MAPK10: variants seen among roughly 807,000 people sequenced by gnomAD.
The protein encoded by MAPK10 is JNK3 alpha protein kinase.
A neutral mutation model predicts 59.3 loss-of-function variants in MAPK10; 25 were observed. The ratio of observed to expected loss-of-function variants is 0.42; its 90% CI spans 0.31 to 0.59. The LOEUF (loss-of-function observed/expected upper bound fraction) is 0.59. MAPK10 is among the 20% of genes least tolerant of loss of function. MAPK10 has a pLI of 0.15. For missense variants in MAPK10, 351 were observed against 568.9 expected (o/e 0.62, Z 3.90); for synonymous variants, 190 against 200.5 (o/e 0.95, Z 0.44).
intron 1 of MAPK10, among the ~76,000 whole-genome samples, chr4:86,439,646 T>C (rs1312444602): frequency 6.6e-6 from 1 of 152,210 alleles, no homozygotes; most frequent in Non-Finnish European, 1.5e-5. Context: ...TAAGTGTATG[T>C]TTAATGTTAA....
intron 9 of MAPK10, among the ~76,000 whole-genome samples, chr4:86,098,032 A>G (rs1053897215): frequency 5.9e-5 from 9 of 152,158 alleles, no homozygotes; most frequent in African/African-American, 2.2e-4. Context: ...GATATGCTAT[A>G]TTGACCTGTT....
intron 11 of MAPK10, among the ~76,000 whole-genome samples, chr4:86,049,458 T>C (rs1483028879): frequency 6.6e-6 from 1 of 151,970 alleles, no homozygotes; most frequent in Non-Finnish European, 1.5e-5. Context: ...AAGTAATTAC[T>C]CCAAGGAGTA....
intron 11 of MAPK10, 156 bp from the exon 12 acceptor site, chr4:86,031,587 C>T (rs72660197): frequency 0.053 from 30,226 of 574,212 alleles, 1,086 homozygotes; most frequent in African/African-American, 0.12. Context: ...TAAAATTTTC[C>T]TGTAAACTTA....
intron 1 of MAPK10, among the ~76,000 whole-genome samples, chr4:86,552,466 AGG>A (rs1565031616): frequency 2.9e-5 from 1 of 33,962 alleles, no homozygotes; most frequent in African/African-American, 9.1e-5. Context: ...GGAAGGAGGG[AGG>A]GAGGGAGGGA....
intron 4 of MAPK10, among the ~76,000 whole-genome samples, chr4:86,122,528 T>C (rs2059430078): frequency 6.6e-6 from 1 of 152,158 alleles, no homozygotes; most frequent in South Asian, 2.1e-4. Flanking sequence ...TTCAGGGTCT[T>C]GATCCCACTT....
chr4:86,142,313 A>G (rs2063808330), intron 4 of MAPK10, among the ~76,000 whole-genome samples: 1 of 152,198 alleles, frequency 6.6e-6, no homozygotes, highest in Non-Finnish European at 1.5e-5. Context: ...GCGTTAATGG[A>G]CAAGCCTTGG....
chr4:86,249,233 G>C (rs1490807827), intron 2 of MAPK10, among the ~76,000 whole-genome samples: 1 of 152,074 alleles, frequency 6.6e-6, no homozygotes, highest in Non-Finnish European at 1.5e-5. Context: ...AAAATAAATA[G>C]GAGCTTATTT....
intron 4 of MAPK10, chr4:86,125,831 GAC>G (rs975809370): frequency 7.9e-5 from 12 of 152,122 alleles, no homozygotes; most frequent in African/African-American, 2.9e-4. Flanking sequence ...GCCCAACAGT[GAC>G]ACAGTGACTC....
At chr4:86,036,424 A>T (rs557384335) in intron 11 of MAPK10, among the ~76,000 whole-genome samples, 50 of 137,454 alleles carry the variant, frequency 3.6e-4, no homozygotes, top group Non-Finnish European at 6.8e-4. Context: ...GTCTCTGAGA[A>T]CTTGATAAAA....
chr4:86,481,318 C>A lies in MAPK10; in HGVS notation c.-263+112592G>T, dbSNP rs540892294. Among the ~76,000 whole-genome samples, 9 of 151,890 alleles carry A rather than the reference C, an allele frequency of 5.9e-5. No homozygotes were observed. The East Asian group carries it at 1.7e-3, about 29-fold the overall frequency. ...GACCTTGCTTCAGAGGCCTTCTAAT[C>A]TCCTTGAGTTTAAGGCACCAATCAG... On this transcript the variant is annotated intron_variant, in intron 1 of 4. Transcript: ENST00000502302.
At chr4:86,083,452 C>G (rs1188590658) in intron 9 of MAPK10, among the ~76,000 whole-genome samples, 12 of 152,082 alleles carry the variant, frequency 7.9e-5, no homozygotes, top group Non-Finnish European at 1.6e-4. Flanking sequence ...TAAAAACAAA[C>G]CAAATTCAGC....
At chr4:86,142,646 A>G (rs945346967) in intron 4 of MAPK10, among the ~76,000 whole-genome samples, 5 of 152,162 alleles carry the variant, frequency 3.3e-5, no homozygotes, top group Non-Finnish European at 7.4e-5. Context: ...GCTGGCTGGG[A>G]CACAATTTAG....
At chr4:86,422,646 A>G (rs952119907) in intron 1 of MAPK10, among the ~76,000 whole-genome samples, 14 of 152,236 alleles carry the variant, frequency 9.2e-5, no homozygotes, top group Non-Finnish European at 4.4e-5. Context: ...CAACAAGGAC[A>G]TAATTATCTT....
chr4:86,082,586 G>A (rs2050888725), intron 9 of MAPK10, among the ~76,000 whole-genome samples: 1 of 152,138 alleles, frequency 6.6e-6, no homozygotes, highest in Non-Finnish European at 1.5e-5. Context: ...GGAAGGCCAG[G>A]AGGTTTTGCA....
intron 1 of MAPK10, among the ~76,000 whole-genome samples, chr4:86,391,491 A>G (rs1295873386): frequency 6.6e-6 from 1 of 152,158 alleles, no homozygotes; most frequent in Admixed American, 6.5e-5. Context: ...GCATTCATGA[A>G]TTTTTTGTCA....
At chr4:86,026,835 A>G (rs1164945828) in intron 13 of MAPK10, 1 of 152,216 alleles carries the variant, frequency 6.6e-6, no homozygotes, top group Non-Finnish European at 1.5e-5. Flanking sequence ...ATAGTTTATT[A>G]TACACACAAA....
chr4:86,254,963 C>G (rs555249741), intron 2 of MAPK10, among the ~76,000 whole-genome samples: 1 of 151,972 alleles, frequency 6.6e-6, no homozygotes, highest in South Asian at 2.1e-4. Flanking sequence ...AAATGCAGTT[C>G]CTTTATGAAG....
At chr4:86,060,812 T>G (rs1473315174) in intron 11 of MAPK10, among the ~76,000 whole-genome samples, 1 of 152,052 alleles carries the variant, frequency 6.6e-6, no homozygotes, top group Admixed American at 6.6e-5. Context: ...ATGAAAAAAA[T>G]GGACCTAAAA....
intron 2 of MAPK10, among the ~76,000 whole-genome samples, chr4:86,209,543 T>C (rs1413635954): frequency 1.3e-5 from 2 of 152,090 alleles, no homozygotes; most frequent in African/African-American, 4.8e-5. Flanking sequence ...AACGATGGGA[T>C]AGAAGGAGAA....
Sources: gnomAD v4.1 joint callset for allele counts (sites outside exome capture counted in the v4.1 genomes callset) on GRCh38, gnomAD v4.1.1 for gene constraint, MANE v1.5 for transcripts, NCBI Gene and HGNC (gene_info 2026-07-23, HGNC 2026-07-21) for gene names.